Variants in GRIA3 observed in about 807,000 individuals in gnomAD.
GRIA3 encodes glutamate receptor 3.
Under a neutral mutation model 63.0 loss-of-function variants are expected in GRIA3, and 3 were observed. The observed-to-expected ratio is 0.05, with a 90% CI of 0.02 to 0.12. GRIA3 has a LOEUF of 0.12. Among genes scored for constraint, GRIA3 ranks in the 10% least tolerant of loss-of-function variants. GRIA3 has a pLI of 1.00. For missense variants in GRIA3, 347 were observed against 700.9 expected, an observed-to-expected ratio of 0.50 and a Z score of 5.70; for synonymous variants, 274 against 257.9, an observed-to-expected ratio of 1.06 and a Z score of -0.60.
rs72609490 is a variant in GRIA3, at chrX:123,211,991, A to G, written c.268+26001A>G. Among the ~76,000 whole-genome samples, 882 of 112,009 alleles carry G rather than the reference A, an allele frequency of 7.9e-3. 17 individuals carry two copies. The highest frequency in any genetic ancestry group is 0.06 in the East Asian group (215 of 3,584). On this transcript the variant is annotated intron_variant, in intron 2 of 15. Coordinates refer to ENST00000620443, the MANE Select transcript of GRIA3 (RefSeq NM_007325.5). ...AATTAATAGACTTGGTATTCAAGTT[A>G]TTAGAAACCACTAAATATGTCATAT...
intron 3 of GRIA3, among the ~76,000 whole-genome samples, chrX:123,307,977 T>A (rs2044765695): frequency 9.0e-6 from 1 of 111,618 alleles, no homozygotes; most frequent in Non-Finnish European, 1.9e-5. Flanking sequence ...GACTTGCAAC[T>A]CAGTATGTCC....
chrX:123,427,708 G>A (rs915280052), intron 11 of GRIA3, among the ~76,000 whole-genome samples: 4 of 110,682 alleles, frequency 3.6e-5, no homozygotes, highest in Admixed American at 9.6e-5. Flanking sequence ...GCTTTGAAAC[G>A]TGTATAGGCC....
At chrX:123,369,323 T>C (rs891469097) in intron 5 of GRIA3, among the ~76,000 whole-genome samples, 2 of 112,192 alleles carry the variant, frequency 1.8e-5, no homozygotes, top group African/African-American at 3.2e-5. Flanking sequence ...CTCTGTCCCA[T>C]AGGCAAAACA....
chrX:123,194,327 A>C (rs1927518187), intron 2 of GRIA3, among the ~76,000 whole-genome samples: 1 of 111,484 alleles, frequency 9.0e-6, no homozygotes, highest in African/African-American at 3.3e-5. Flanking sequence ...TACTCATTGC[A>C]ACCAGGGCCT....
intron 2 of GRIA3, among the ~76,000 whole-genome samples, chrX:123,193,521 G>A (rs746268069): frequency 1.8e-5 from 2 of 112,062 alleles, no homozygotes; most frequent in Non-Finnish European, 3.8e-5. Context: ...GCCTGTGCCA[G>A]GCACTCACTG....
At chrX:123,242,056 G>A (rs895169255) in intron 2 of GRIA3, among the ~76,000 whole-genome samples, 27 of 111,222 alleles carry the variant, frequency 2.4e-4, no homozygotes, top group African/African-American at 7.8e-4. Context: ...GATGGAGGAG[G>A]TGACTGAGGC....
chrX:123,377,007 T>C (rs1034936487), intron 5 of GRIA3, among the ~76,000 whole-genome samples: 1 of 101,397 alleles, frequency 9.9e-6, no homozygotes, highest in Non-Finnish European at 2.0e-5. Flanking sequence ...CTATCTCGGC[T>C]CACTGGAAGC....
At chrX:123,472,415 TATG>T (rs1285808671) in intron 13 of GRIA3, among the ~76,000 whole-genome samples, 1 of 111,182 alleles carries the variant, frequency 9.0e-6, no homozygotes, top group Non-Finnish European at 1.9e-5. Flanking sequence ...CACACTTATA[TATG>T]ATAAAACCCA....
Position 123,233,315 on chromosome X carries a change from G to A in GRIA3, c.269-19988G>A, listed in dbSNP as rs191382268. Reference sequence around the variant, plus strand: ...GATACCCCTTACTGAACAGCCTTCCGAATGCCACAGGCCCTGCTTAGTCCT... The same window carrying A: ...GATACCCCTTACTGAACAGCCTTCCAAATGCCACAGGCCCTGCTTAGTCCT... On this transcript the variant is annotated intron_variant, in intron 2 of 15. Transcript: ENST00000620443. Among the ~76,000 whole-genome samples, 127 of 111,803 alleles carry A rather than the reference G, an allele frequency of 1.1e-3. 2 individuals carry two copies. The highest frequency in any genetic ancestry group is 3.8e-3 in the African/African-American group (118 of 30,817).
Position 123,253,448 on chromosome X carries a change from C to T in GRIA3, c.414C>T (p.Val138=). Residue 138 remains valine, a synonymous_variant, in exon 3 of 16, where the codon GTC becomes GTT. Coordinates refer to ENST00000620443, the MANE Select transcript of GRIA3 (RefSeq NM_007325.5). ...CCACTGACGCAGATGTGCAGTTTGT[C>T]ATCCAGATGCGCCCAGCCTTGAAGG... ...SFPTDADVQF[V]IQMRPALKGA... is the part of the protein sequence containing the mutation. The T allele has an allele frequency of 8.3e-7, 1 of 1,210,361 alleles. No homozygotes were observed. The highest frequency in any genetic ancestry group is 1.8e-5 in the South Asian group (1 of 56,934).
chrX:123,391,833 C>T (rs186915403), intron 5 of GRIA3, among the ~76,000 whole-genome samples: 120 of 112,477 alleles, frequency 1.1e-3, no homozygotes, highest in African/African-American at 3.7e-3. Flanking sequence ...GTAGGTAGCA[C>T]ATGCAGGTGA....
chrX:123,359,344 T>C (rs1182542635), intron 5 of GRIA3, among the ~76,000 whole-genome samples: 1 of 111,375 alleles, frequency 9.0e-6, no homozygotes, highest in Non-Finnish European at 1.9e-5. Context: ...GGTCCACCTC[T>C]ATGGCAAAAA....
chrX:123,379,874 A>G (rs186791219), intron 5 of GRIA3, among the ~76,000 whole-genome samples: 58 of 94,054 alleles, frequency 6.2e-4, no homozygotes, highest in African/African-American at 2.1e-3. Flanking sequence ...ATTCCCACCT[A>G]TGAGTGAGAA....
At chrX:123,208,935 G>C (rs190101295) in intron 2 of GRIA3, among the ~76,000 whole-genome samples, 185 of 112,288 alleles carry the variant, frequency 1.6e-3, no homozygotes, top group African/African-American at 5.0e-3. Flanking sequence ...AATTCCCTTT[G>C]AAGAGGTGGC....
chrX:123,380,657 C>A (rs2045318709), intron 5 of GRIA3, among the ~76,000 whole-genome samples: 1 of 111,859 alleles, frequency 8.9e-6, no homozygotes, highest in Non-Finnish European at 1.9e-5. Flanking sequence ...TAATTAGATC[C>A]CATTTGTCAA....
At chrX:123,365,040 A>G (rs1053438603) in intron 5 of GRIA3, among the ~76,000 whole-genome samples, 1 of 111,918 alleles carries the variant, frequency 8.9e-6, no homozygotes, top group Non-Finnish European at 1.9e-5. Flanking sequence ...AGGTTTTGAG[A>G]GCTATTGCAC....
In GRIA3 at chrX:123,456,227, A is replaced by C. The variant is rs1450987084; in HGVS notation, c.2077-8638A>C. The stretch of plus-strand genomic sequence containing the variant: ...AGTGCTGGGGAGTAAGCAGTGAAAA[A>C]ACAATAGCTACTGCACCCACCTCAC... On this transcript the variant is annotated intron_variant, in intron 12 of 15. Transcript: ENST00000620443. 4.5e-5 allele frequency among the ~76,000 whole-genome samples: 5 copies of C among 111,170 alleles called. No homozygotes were observed. The Admixed American group carries it at 4.8e-4, about 11-fold the overall frequency.
At chrX:123,451,060 A>C (rs761615099) in intron 12 of GRIA3, among the ~76,000 whole-genome samples, 1 of 111,483 alleles carries the variant, frequency 9.0e-6, no homozygotes, top group African/African-American at 3.3e-5. Context: ...AAACCGTGGT[A>C]AAAATTCTGG....
At chrX:123,317,898 G>C (rs1366350794) in intron 3 of GRIA3, among the ~76,000 whole-genome samples, 1 of 112,805 alleles carries the variant, frequency 8.9e-6, no homozygotes, top group Non-Finnish European at 1.9e-5. Context: ...CCTGGCAGAG[G>C]TTCTCCATGA....
Sources: allele counts gnomAD v4.1 joint callset (sites outside exome capture counted in the v4.1 genomes callset), GRCh38; gene constraint gnomAD v4.1.1; transcripts MANE v1.5; gene names NCBI Gene and HGNC (gene_info 2026-07-23, HGNC 2026-07-21).